DLG2: variants seen among roughly 807,000 people sequenced by gnomAD.
DLG2 encodes the protein disks large homolog 2.
DLG2 carries 45 observed loss-of-function variants against 132.5 expected under a neutral mutation model. The ratio of observed to expected loss-of-function variants is 0.34; its 90% CI spans 0.27 to 0.44. The LOEUF (loss-of-function observed/expected upper bound fraction) is 0.44. Ranked by LOEUF, DLG2 falls within the 20% of genes least tolerant of loss-of-function variation. DLG2 has a pLI of 1.00. For missense variants in DLG2, 1,045 were observed against 1,196.9 expected (o/e 0.87, Z 1.87); for synonymous variants, 424 against 419.6 (o/e 1.01, Z -0.13).
chr11:84,021,549 T>A (rs12805464), intron 11 of DLG2, among the ~76,000 whole-genome samples: 3,361 of 152,232 alleles, frequency 0.022, 67 homozygotes, highest in Middle Eastern at 0.034. Context: ...CTCTCTGATA[T>A]GCTTGTCAGC....
intron 4 of DLG2, among the ~76,000 whole-genome samples, chr11:85,183,809 G>C (rs1028782986): frequency 2.2e-4 from 34 of 151,890 alleles, no homozygotes; most frequent in African/African-American, 8.0e-4. Context: ...ATCTTAGCTG[G>C]AACTCCATCC....
chr11:84,734,333 C>G lies in DLG2; in HGVS notation c.358-199602G>C, dbSNP rs538176770. Among the ~76,000 whole-genome samples the G allele has an allele frequency of 5.9e-5, 9 of 152,196 alleles. No homozygotes were observed. In the East Asian group the frequency reaches 1.5e-3, roughly 26 times the overall value. Reference sequence around the variant, plus strand: ...TTTTGTTGAGCAGTGGTTTGCAGTTCTCCTTGAAGAGTTCCTTCACATCCC... The same window carrying G: ...TTTTGTTGAGCAGTGGTTTGCAGTTGTCCTTGAAGAGTTCCTTCACATCCC... On this transcript the variant is annotated intron_variant, in intron 6 of 27. Coordinates refer to ENST00000376104, the MANE Select transcript of DLG2 (RefSeq NM_001142699.3).
chr11:84,044,653 A>C (rs577788591), intron 11 of DLG2, among the ~76,000 whole-genome samples: 2 of 151,864 alleles, frequency 1.3e-5, no homozygotes, highest in Admixed American at 1.3e-4. Context: ...TAATTGGAGA[A>C]ATTTCTCTAA....
chr11:83,790,237 AT>A, intron 17 of DLG2: 1 of 912,532 alleles, frequency 1.1e-6, no homozygotes, highest in Non-Finnish European at 1.8e-6. Context: ...GCCCTTCCAC[AT>A]TTGGCTGTTC....
intron 3 of DLG2, among the ~76,000 whole-genome samples, chr11:85,457,905 T>C (rs1383008218): frequency 6.6e-6 from 1 of 152,204 alleles, no homozygotes; most frequent in East Asian, 1.9e-4. Flanking sequence ...CTGATGATTA[T>C]GTGTCTCGGG....
At chr11:84,078,493 A>G (rs2154152337) in intron 10 of DLG2, among the ~76,000 whole-genome samples, 1 of 152,312 alleles carries the variant, frequency 6.6e-6, no homozygotes. Context: ...TATCTAGGAC[A>G]ATGAATCATA....
At chr11:85,207,630 A>G (rs1049396569) in intron 4 of DLG2, among the ~76,000 whole-genome samples, 2 of 152,140 alleles carry the variant, frequency 1.3e-5, no homozygotes, top group East Asian at 3.9e-4. Flanking sequence ...AAATGAGTCA[A>G]TTTTATATTC....
At chr11:83,555,279 T>A (rs966679897) in intron 19 of DLG2, among the ~76,000 whole-genome samples, 2 of 152,216 alleles carry the variant, frequency 1.3e-5, no homozygotes, top group African/African-American at 4.8e-5. Flanking sequence ...CTGTAGATCT[T>A]ATGAAGGATA....
intron 3 of DLG2, among the ~76,000 whole-genome samples, chr11:85,511,790 C>G (rs940764129): frequency 1.3e-5 from 2 of 150,680 alleles, no homozygotes; most frequent in African/African-American, 4.9e-5. Flanking sequence ...GGGATTATAG[C>G]TCACTGCAGC....
intron 18 of DLG2, among the ~76,000 whole-genome samples, chr11:83,636,856 T>G (rs2064999259): frequency 6.6e-6 from 1 of 152,196 alleles, no homozygotes; most frequent in Admixed American, 6.6e-5. Context: ...GCATTTGCCT[T>G]AATTGGAATC....
intron 18 of DLG2, among the ~76,000 whole-genome samples, chr11:83,721,893 A>T (rs1192360219): frequency 1.3e-5 from 2 of 152,220 alleles, no homozygotes; most frequent in East Asian, 3.9e-4. Flanking sequence ...ACATTGAAGA[A>T]CTCTTGTAGG....
intron 17 of DLG2, 94 bp from the exon 18 acceptor site, chr11:83,786,886 T>TAA (rs1332210597): frequency 2.1e-6 from 2 of 936,250 alleles, no homozygotes; most frequent in East Asian, 5.1e-5. Flanking sequence ...TGTCTAACAT[T>TAA]ATATCACATG....
chr11:85,472,742 C>T lies in DLG2; in HGVS notation c.40+125915G>A, dbSNP rs1188687322. On this transcript the variant is annotated intron_variant, in intron 3 of 27. Coordinates refer to ENST00000376104, the MANE Select transcript of DLG2 (RefSeq NM_001142699.3). ...AGGAGCCGCTGTAACAGTATAGCCC[C>T]CGTGTACTCCACCAGCACCAGACAG... is the stretch of plus-strand genomic sequence containing the variant. Among the ~76,000 whole-genome samples, 4 of 152,348 alleles carry T rather than the reference C, an allele frequency of 2.6e-5. 1 individual carries two copies. The East Asian group carries it at 7.7e-4, about 29-fold the overall frequency.
At chr11:84,701,241 A>T (rs2059196376) in intron 6 of DLG2, among the ~76,000 whole-genome samples, 1 of 151,428 alleles carries the variant, frequency 6.6e-6, no homozygotes, top group Admixed American at 6.6e-5. Context: ...AAGAGAGAAG[A>T]CTATTTCTTC....
intron 18 of DLG2, among the ~76,000 whole-genome samples, chr11:83,744,554 C>A (rs568574698): frequency 6.6e-6 from 1 of 152,202 alleles, no homozygotes; most frequent in African/African-American, 2.4e-5. Context: ...ATTCACTTTA[C>A]GTAGCCACAT....
At chr11:83,773,358 G>T (rs2094469349) in intron 18 of DLG2, among the ~76,000 whole-genome samples, 1 of 152,190 alleles carries the variant, frequency 6.6e-6, no homozygotes, top group Non-Finnish European at 1.5e-5. Flanking sequence ...TTTGTAAACT[G>T]CAAAGTCTTA....
chr11:85,599,705 C>T (rs2080019841), intron 2 of DLG2, among the ~76,000 whole-genome samples: 1 of 152,226 alleles, frequency 6.6e-6, no homozygotes, highest in Non-Finnish European at 1.5e-5. Flanking sequence ...AATGCTCTCT[C>T]TTCCATAAAG....
chr11:84,668,897 T>G (rs927040024), intron 6 of DLG2, among the ~76,000 whole-genome samples: 1 of 152,112 alleles, frequency 6.6e-6, no homozygotes, highest in Non-Finnish European at 1.5e-5. Flanking sequence ...CAAAAAATAT[T>G]TGAGCATCCA....
chr11:85,613,238 C>G (rs556734404), intron 2 of DLG2, among the ~76,000 whole-genome samples: 142 of 152,292 alleles, frequency 9.3e-4, no homozygotes, highest in Non-Finnish European at 1.2e-3. Context: ...TCGAGGCCAT[C>G]AAGCTACCGA....
Sources: allele counts gnomAD v4.1 joint callset (sites outside exome capture counted in the v4.1 genomes callset), GRCh38; gene constraint gnomAD v4.1.1; transcripts MANE v1.5; gene names NCBI Gene and HGNC (gene_info 2026-07-23, HGNC 2026-07-21).